Variants in THRAP3 observed in about 807,000 individuals in gnomAD.
The protein encoded by THRAP3 is thyroid hormone receptor associated protein 3.
Under a neutral mutation model 101.0 loss-of-function variants are expected in THRAP3, and 16 were observed. The observed-to-expected ratio is 0.16, with a 90% CI of 0.11 to 0.24. The LOEUF (loss-of-function observed/expected upper bound fraction) is 0.24. Among genes scored for constraint, THRAP3 ranks in the 10% least tolerant of loss-of-function variants. THRAP3 has a pLI of 1.00. For missense variants in THRAP3, 989 were observed against 1,202.7 expected (o/e 0.82, Z 2.63); for synonymous variants, 407 against 422.6 (o/e 0.96, Z 0.45).
intron 1 of THRAP3, among the ~76,000 whole-genome samples, chr1:36,228,786 G>A (rs1557802719): frequency 1.3e-5 from 2 of 152,162 alleles, no homozygotes; most frequent in African/African-American, 4.8e-5. Context: ...ATTCGTTAGA[G>A]TTTCAAAAAA....
chr1:36,224,891 C>T (rs573338390), intron 1 of THRAP3: 1 of 152,498 alleles, frequency 6.6e-6, no homozygotes, highest in Admixed American at 6.5e-5. Context: ...ACCCAGTCCC[C>T]ATTGGCCTGG....
chr1:36,210,026 C>G, the THRAP3 span, among the ~76,000 whole-genome samples: 2 of 152,162 alleles, frequency 1.3e-5, no homozygotes, highest in Admixed American at 1.3e-4. Context: ...AAAGTGTGGT[C>G]CATACACTGG....
intron 8 of THRAP3, among the ~76,000 whole-genome samples, chr1:36,295,067 T>TA (rs1458582403): frequency 6.6e-6 from 1 of 151,886 alleles, no homozygotes; most frequent in African/African-American, 2.4e-5. Flanking sequence ...CTACTAAAAA[T>TA]ACAAAATTAG....
chr1:36,278,938 A>G (rs1315819488), intron 2 of THRAP3, among the ~76,000 whole-genome samples: 1 of 151,952 alleles, frequency 6.6e-6, no homozygotes, highest in Non-Finnish European at 1.5e-5. Flanking sequence ...AAAAATAAAT[A>G]AATAAAAATA....
rs1645365138 is a variant in THRAP3 at position 36,255,755 on chromosome 1, G to GGAGT, written c.-134-3623_-134-3620dup. ...ACCATTGCACTCCAGCCTGGGTGAG[G>GGAGT]GAGTGAGACTCTGTCTCAAAAAAAA... On this transcript the variant is annotated intron_variant, in intron 1 of 11. Coordinates refer to ENST00000354618, the MANE Select transcript of THRAP3 (RefSeq NM_005119.4). 5.4e-5 allele frequency among the ~76,000 whole-genome samples: 8 copies of GGAGT among 147,972 alleles called. No homozygotes were observed. In the South Asian group the frequency reaches 1.7e-3, roughly 32 times the overall value.
intron 2 of THRAP3, among the ~76,000 whole-genome samples, chr1:36,264,058 TTTTG>T (rs935430745): frequency 1.2e-4 from 19 of 152,178 alleles, no homozygotes; most frequent in East Asian, 1.9e-4. Context: ...CAGATTTGGT[TTTTG>T]TTTGTTTGTT....
chr1:36,275,670 G>A lies in THRAP3; in HGVS notation c.-31-6863G>A, dbSNP rs960844583. ...TTATTGCCCAGGCTGGAGTGCAACA[G>A]CATGATAAGAATAGTCTTTTCAACA... On this transcript the variant is annotated intron_variant, in intron 2 of 11. Coordinates refer to ENST00000354618, the MANE Select transcript of THRAP3 (RefSeq NM_005119.4). Among the ~76,000 whole-genome samples, 4 of 149,818 alleles carry A rather than the reference G, an allele frequency of 2.7e-5. No individual in the cohort carries two copies. The South Asian group carries it at 6.3e-4, about 24-fold the overall frequency.
intron 8 of THRAP3, chr1:36,294,341 T>A: frequency 1.8e-6 from 1 of 567,570 alleles, no homozygotes; most frequent in Non-Finnish European, 2.2e-6. Context: ...TGTCTTAACT[T>A]AAGTAGACTG....
At chr1:36,263,034 T>A (rs971734876) in intron 2 of THRAP3, among the ~76,000 whole-genome samples, 10 of 148,948 alleles carry the variant, frequency 6.7e-5, no homozygotes, top group Non-Finnish European at 1.2e-4. Flanking sequence ...ATGGTCTCTA[T>A]CTCCTGACCT....
At chr1:36,207,980 A>G in the THRAP3 span, among the ~76,000 whole-genome samples, 1 of 151,900 alleles carries the variant, frequency 6.6e-6, no homozygotes, top group Non-Finnish European at 1.5e-5. Context: ...TTTAATAGAG[A>G]CTGGGTTTCG....
upstream of THRAP3, among the ~76,000 whole-genome samples, chr1:36,220,056 G>T (rs979156014): frequency 1.3e-5 from 2 of 152,064 alleles, no homozygotes; most frequent in Admixed American, 6.6e-5. Context: ...GTGCAATGGC[G>T]TGACCTTGGC....
At chr1:36,301,496 T>G (rs914450532) in intron 10 of THRAP3, 57 bp from the exon 11 acceptor site, 12 of 1,583,394 alleles carry the variant, frequency 7.6e-6, no homozygotes, top group Non-Finnish European at 1.0e-5. Flanking sequence ...AGCAGGGGGG[T>G]TTGTTCCCCA....
chr1:36,293,644 G>GTGTGTGTGTGTGTGTA (rs1247658624), intron 7 of THRAP3, among the ~76,000 whole-genome samples: 3 of 135,850 alleles, frequency 2.2e-5, no homozygotes, highest in African/African-American at 7.2e-5. Context: ...CTGGGACTGT[G>GTGTGTGTGTGTGTGTA]TGTGTGTGTG....
At chr1:36,275,672 A>G (rs992722003) in intron 2 of THRAP3, among the ~76,000 whole-genome samples, 1 of 150,568 alleles carries the variant, frequency 6.6e-6, no homozygotes, top group Admixed American at 6.6e-5. Context: ...GTGCAACAGC[A>G]TGATAAGAAT....
chr1:36,217,673 A>T, the THRAP3 span, among the ~76,000 whole-genome samples: 13 of 152,004 alleles, frequency 8.6e-5, no homozygotes, highest in African/African-American at 3.1e-4. Flanking sequence ...CTTTTTCATT[A>T]TTATTATATC....
At chr1:36,277,841 C>T (rs930034755) in intron 2 of THRAP3, among the ~76,000 whole-genome samples, 3 of 152,112 alleles carry the variant, frequency 2.0e-5, no homozygotes, top group Non-Finnish European at 4.4e-5. Flanking sequence ...CTCACTGCCA[C>T]CTCTGCCCCC....
chr1:36,226,764 A>G (rs1644966727), intron 1 of THRAP3, among the ~76,000 whole-genome samples: 1 of 152,072 alleles, frequency 6.6e-6, no homozygotes, highest in Non-Finnish European at 1.5e-5. Context: ...TGATTGGGTA[A>G]TTTATTCAAC....
chr1:36,289,953 A>T (rs557602080), intron 5 of THRAP3, among the ~76,000 whole-genome samples, 189 bp downstream of exon 5: 1 of 152,264 alleles, frequency 6.6e-6, no homozygotes, highest in East Asian at 1.9e-4. Context: ...GAAGGGGGGC[A>T]GTATCCCTGG....
intron 2 of THRAP3, among the ~76,000 whole-genome samples, chr1:36,262,202 T>C (rs1006838977): frequency 6.6e-6 from 1 of 152,248 alleles, no homozygotes; most frequent in African/African-American, 2.4e-5. Context: ...TTTCTGTTTA[T>C]ACCAAGCCTT....
Sources: allele counts gnomAD v4.1 joint callset (sites outside exome capture counted in the v4.1 genomes callset), GRCh38; gene constraint gnomAD v4.1.1; transcripts MANE v1.5; gene names NCBI Gene and HGNC (gene_info 2026-07-23, HGNC 2026-07-21).